ENTREP2: variants seen among roughly 807,000 people sequenced by gnomAD.
ENTREP2 encodes the protein protein ENTREP2.
chr15:29,139,844 C>CA, the ENTREP2 span, among the ~76,000 whole-genome samples: 7 of 152,192 alleles, frequency 4.6e-5, 1 homozygote, highest in South Asian at 1.4e-3. Flanking sequence ...TCCCCACCAT[C>CA]AGTGTGTGTT....
At chr15:29,663,699 C>A in the ENTREP2 span, among the ~76,000 whole-genome samples, 1 of 151,828 alleles carries the variant, frequency 6.6e-6, no homozygotes, top group African/African-American at 2.4e-5. Context: ...AACATCACAC[C>A]CCGCGGCCTG....
At chr15:29,123,885 A>G in the ENTREP2 span, among the ~76,000 whole-genome samples, 1 of 151,894 alleles carries the variant, frequency 6.6e-6, no homozygotes, top group African/African-American at 2.4e-5. Context: ...GCCTGGGGGG[A>G]AGGGCCACCA....
chr15:29,578,502 T>C, the ENTREP2 span, among the ~76,000 whole-genome samples: 1 of 152,214 alleles, frequency 6.6e-6, no homozygotes, highest in Non-Finnish European at 1.5e-5. Context: ...GTTTAAAATG[T>C]CTGTCTCATT....
the ENTREP2 span, among the ~76,000 whole-genome samples, chr15:29,515,033 C>T: frequency 1.3e-5 from 2 of 152,220 alleles, no homozygotes; most frequent in African/African-American, 4.8e-5. Flanking sequence ...GAAAACCTAC[C>T]ACGAACACTT....
chr15:29,250,126 T>C, the ENTREP2 span, among the ~76,000 whole-genome samples: 1 of 151,774 alleles, frequency 6.6e-6, no homozygotes, highest in African/African-American at 2.4e-5. Flanking sequence ...ACCATATCAA[T>C]AGGAAAGGGA....
the ENTREP2 span, among the ~76,000 whole-genome samples, chr15:29,270,622 A>G: frequency 6.6e-6 from 1 of 151,070 alleles, no homozygotes; most frequent in Admixed American, 6.6e-5. Context: ...GAGCTCTTAA[A>G]TTTCTTAATT....
chr15:29,621,261 C>A, the ENTREP2 span, among the ~76,000 whole-genome samples: 1 of 150,900 alleles, frequency 6.6e-6, no homozygotes. Context: ...CAGTGGCTCA[C>A]GCCTGTAATC....
chr15:29,177,079 A>G, the ENTREP2 span, among the ~76,000 whole-genome samples: 1 of 152,208 alleles, frequency 6.6e-6, no homozygotes, highest in African/African-American at 2.4e-5. Flanking sequence ...AGGGACGCCC[A>G]GCTCTCCACC....
At chr15:29,387,506 G>A in the ENTREP2 span, among the ~76,000 whole-genome samples, 1 of 152,168 alleles carries the variant, frequency 6.6e-6, no homozygotes, top group African/African-American at 2.4e-5. Flanking sequence ...CATGCTCATG[G>A]ATAGGAAGAA....
At chr15:29,370,408 A>G in the ENTREP2 span, among the ~76,000 whole-genome samples, 132 of 152,344 alleles carry the variant, frequency 8.7e-4, no homozygotes, top group African/African-American at 2.9e-3. Flanking sequence ...AGGCTTAATC[A>G]TTCAAGAATA....
chr15:29,585,999 C>T, the ENTREP2 span, among the ~76,000 whole-genome samples: 9 of 151,990 alleles, frequency 5.9e-5, no homozygotes, highest in Non-Finnish European at 1.2e-4. Flanking sequence ...AATGTATTTT[C>T]GCACAAAAAC....
At chr15:29,239,132 A>G in the ENTREP2 span, among the ~76,000 whole-genome samples, 2 of 152,198 alleles carry the variant, frequency 1.3e-5, no homozygotes, top group Non-Finnish European at 2.9e-5. Flanking sequence ...ATGCCACATG[A>G]AGGGAGGAAA....
the ENTREP2 span, among the ~76,000 whole-genome samples, chr15:29,174,716 A>C: frequency 2.0e-4 from 30 of 151,960 alleles, no homozygotes; most frequent in East Asian, 1.6e-3. Flanking sequence ...ACAACAAAAA[A>C]AAAAAAGAAA....
chr15:29,336,877 C>A, the ENTREP2 span, among the ~76,000 whole-genome samples: 1 of 152,120 alleles, frequency 6.6e-6, no homozygotes, highest in African/African-American at 2.4e-5. Context: ...AATACCCCCT[C>A]CATCCCCAGC....
At chr15:29,475,380 T>G in the ENTREP2 span, among the ~76,000 whole-genome samples, 1 of 152,068 alleles carries the variant, frequency 6.6e-6, no homozygotes, top group African/African-American at 2.4e-5. Context: ...CACAGCCCCA[T>G]TAAAAAATGC....
chr15:29,300,184 A>ATGGATGGG, the ENTREP2 span, among the ~76,000 whole-genome samples: 1 of 123,378 alleles, frequency 8.1e-6, no homozygotes, highest in East Asian at 2.8e-4. Flanking sequence ...GGATGGATGG[A>ATGGATGGG]TGGATGGGTA....
chr15:29,395,259 A>C, the ENTREP2 span, among the ~76,000 whole-genome samples: 1 of 151,886 alleles, frequency 6.6e-6, no homozygotes, highest in African/African-American at 2.4e-5. Context: ...TCGTCTACAG[A>C]TGGATGCTTG....
At chr15:29,273,517 G>A in the ENTREP2 span, among the ~76,000 whole-genome samples, 1 of 152,056 alleles carries the variant, frequency 6.6e-6, no homozygotes, top group Non-Finnish European at 1.5e-5. Flanking sequence ...TTTTATCATA[G>A]GTTCGTGTGA....
At chr15:29,587,909 T>G in the ENTREP2 span, among the ~76,000 whole-genome samples, 4 of 152,214 alleles carry the variant, frequency 2.6e-5, no homozygotes, top group Non-Finnish European at 5.9e-5. Flanking sequence ...TCTGCCTGCC[T>G]CAGCTTCCTA....
Sources: allele counts gnomAD v4.1 joint callset (sites outside exome capture counted in the v4.1 genomes callset), GRCh38; gene constraint gnomAD v4.1.1; transcripts MANE v1.5; gene names NCBI Gene and HGNC (gene_info 2026-07-23, HGNC 2026-07-21).